PACSIN2: variants seen among roughly 807,000 people sequenced by gnomAD.
PACSIN2 encodes protein kinase C and casein kinase substrate in neurons 2.
A neutral mutation model predicts 63.8 loss-of-function variants in PACSIN2; 25 were observed. The ratio of observed to expected loss-of-function variants is 0.39; its 90% CI spans 0.29 to 0.55. The LOEUF is 0.55. Among genes scored for constraint, PACSIN2 ranks in the 20% least tolerant of loss-of-function variants. PACSIN2 has a pLI of 0.62. For missense variants in PACSIN2, 518 were observed against 646.9 expected, an observed-to-expected ratio of 0.80 and a Z score of 2.16; for synonymous variants, 255 against 256.2, an observed-to-expected ratio of 1.00 and a Z score of 0.05.
At chr22:42,881,663 G>C (rs761322300) in intron 7 of PACSIN2, among the ~76,000 whole-genome samples, 3 of 152,226 alleles carry the variant, frequency 2.0e-5, no homozygotes, top group Non-Finnish European at 4.4e-5. Flanking sequence ...TGAAAGCTTA[G>C]ACCCACATGA....
intron 1 of PACSIN2, among the ~76,000 whole-genome samples, chr22:42,947,284 CA>C (rs1933466604): frequency 6.6e-6 from 1 of 152,148 alleles, no homozygotes; most frequent in Non-Finnish European, 1.5e-5. Flanking sequence ...TCTGCTGTGC[CA>C]GGTTCCCAAG....
intron 5 of PACSIN2, among the ~76,000 whole-genome samples, chr22:42,887,762 C>A (rs949848879): frequency 6.6e-6 from 1 of 152,150 alleles, no homozygotes; most frequent in African/African-American, 2.4e-5. Flanking sequence ...CAGGCAGAAT[C>A]ACTTATCTAC....
intron 1 of PACSIN2, among the ~76,000 whole-genome samples, chr22:42,913,025 A>C (rs1220040062): frequency 6.6e-6 from 1 of 152,242 alleles, no homozygotes. Flanking sequence ...TAATCACATG[A>C]ATCTTCATGA....
chr22:42,925,272 G>A (rs992050865), intron 1 of PACSIN2, among the ~76,000 whole-genome samples: 9 of 152,126 alleles, frequency 5.9e-5, no homozygotes, highest in Middle Eastern at 3.4e-3. Context: ...TTGAGGTCAG[G>A]AGTTTAAGAC....
intron 1 of PACSIN2, among the ~76,000 whole-genome samples, chr22:43,004,158 C>T (rs1032082420): frequency 2.6e-5 from 4 of 152,102 alleles, no homozygotes; most frequent in East Asian, 1.9e-4. Flanking sequence ...GTGTGGGCTT[C>T]GGTAGGCAGA....
In PACSIN2 at chr22:42,912,088, A is replaced by G; in HGVS notation, c.-8T>C. The G allele has an allele frequency of 1.3e-6, 2 of 1,594,888 alleles. No individual in the cohort carries two copies. Among genetic ancestry groups the G allele is most frequent in the Non-Finnish European group, 1.7e-6 (2 of 1,172,326 alleles). On this transcript the variant is annotated 5_prime_UTR_variant, in exon 2 of 11. Coordinates refer to ENST00000263246, the MANE Select transcript of PACSIN2 (RefSeq NM_001184970.3). ...ATCATATGTGACAGACATTTTTTCA[A>G]AGGCTGAGGGAGCAGCAAAGTATAC...
chr22:42,986,581 G>A (rs1208081362), intron 1 of PACSIN2, among the ~76,000 whole-genome samples: 2 of 152,142 alleles, frequency 1.3e-5, no homozygotes, highest in Non-Finnish European at 2.9e-5. Flanking sequence ...ATGCATGACA[G>A]TGACACTCTA....
At chr22:42,986,322 C>T (rs1021486085) in intron 1 of PACSIN2, among the ~76,000 whole-genome samples, 1 of 152,172 alleles carries the variant, frequency 6.6e-6, no homozygotes, top group Non-Finnish European at 1.5e-5. Flanking sequence ...TGGTAAGCAC[C>T]CTGGCTGTTT....
intron 2 of PACSIN2, among the ~76,000 whole-genome samples, chr22:42,901,532 T>C (rs17003409): frequency 0.025 from 3,759 of 152,246 alleles, 153 homozygotes; most frequent in African/African-American, 0.087. Context: ...TTTGTACAAG[T>C]CCCTCTCCGT....
chr22:42,962,025 C>G (rs184465746), intron 1 of PACSIN2, among the ~76,000 whole-genome samples: 2 of 152,324 alleles, frequency 1.3e-5, no homozygotes, highest in African/African-American at 2.4e-5. Context: ...ACGCCCGCCA[C>G]AGCTGGCAAG....
At chr22:42,908,790 G>A (rs1480353880) in intron 2 of PACSIN2, among the ~76,000 whole-genome samples, 1 of 152,116 alleles carries the variant, frequency 6.6e-6, no homozygotes, top group Non-Finnish European at 1.5e-5. Context: ...AACCTGGAAT[G>A]CCATCCCTTC....
At chr22:42,992,628 G>A (rs1488222152) in intron 1 of PACSIN2, among the ~76,000 whole-genome samples, 1 of 152,100 alleles carries the variant, frequency 6.6e-6, no homozygotes. Context: ...ACAGAGACTG[G>A]CACACAAATG....
intron 2 of PACSIN2, among the ~76,000 whole-genome samples, chr22:42,896,231 G>A (rs1930270049): frequency 6.6e-6 from 1 of 152,102 alleles, no homozygotes; most frequent in Non-Finnish European, 1.5e-5. Context: ...CCTTTTCCAG[G>A]ATGGCAAGGA....
At chr22:42,997,681 C>T (rs962711240) in intron 1 of PACSIN2, among the ~76,000 whole-genome samples, 12 of 151,786 alleles carry the variant, frequency 7.9e-5, no homozygotes, top group African/African-American at 2.9e-4. Flanking sequence ...GCATGAAATT[C>T]TCATGTAAAT....
At chr22:42,949,890 T>C (rs1933604321) in intron 1 of PACSIN2, among the ~76,000 whole-genome samples, 1 of 152,268 alleles carries the variant, frequency 6.6e-6, no homozygotes, top group Non-Finnish European at 1.5e-5. Context: ...ATTTTACATC[T>C]ATCTCTCCCA....
chr22:43,010,538 G>A (rs1312432944), intron 1 of PACSIN2, among the ~76,000 whole-genome samples: 4 of 151,884 alleles, frequency 2.6e-5, no homozygotes, highest in Admixed American at 6.6e-5. Flanking sequence ...GTGAAACCCC[G>A]TCTCTACTAA....
intron 1 of PACSIN2, among the ~76,000 whole-genome samples, chr22:42,962,360 T>C (rs530756344): frequency 1.3e-4 from 20 of 152,186 alleles, no homozygotes; most frequent in Admixed American, 3.9e-4. Context: ...GGGGTAAGCA[T>C]TGTTATCTTC....
At chr22:42,910,868 A>T (rs1465546483) in intron 2 of PACSIN2, among the ~76,000 whole-genome samples, 1 of 151,366 alleles carries the variant, frequency 6.6e-6, no homozygotes, top group Admixed American at 6.6e-5. Flanking sequence ...AGTCTGTCAC[A>T]TCCCTTGCCT....
intron 9 of PACSIN2, 24 bp downstream of exon 9, chr22:42,876,864 C>T: frequency 6.2e-7 from 1 of 1,613,944 alleles, no homozygotes. Context: ...GCGGTGGGAG[C>T]AGAGGAAGCA....
Sources: allele counts gnomAD v4.1 joint callset (sites outside exome capture counted in the v4.1 genomes callset), GRCh38; gene constraint gnomAD v4.1.1; transcripts MANE v1.5; gene names NCBI Gene and HGNC (gene_info 2026-07-23, HGNC 2026-07-21).